ZSWIM6: variants seen among roughly 807,000 people sequenced by gnomAD.
ZSWIM6 encodes the protein zinc finger SWIM-type containing 6.
Under a neutral mutation model 113.2 loss-of-function variants are expected in ZSWIM6, and 9 were observed. That is an observed-to-expected ratio of 0.08 (90% CI 0.05 to 0.14). ZSWIM6 has a LOEUF of 0.14. Among genes scored for constraint, ZSWIM6 ranks in the 10% least tolerant of loss-of-function variants. The pLI, the probability that ZSWIM6 is intolerant of heterozygous loss-of-function variation, is 1.00. For missense variants in ZSWIM6, 1,162 were observed against 1,552.2 expected (o/e 0.75, Z 4.22); for synonymous variants, 611 against 606.5 (o/e 1.01, Z -0.11).
intron 1 of ZSWIM6, among the ~76,000 whole-genome samples, chr5:61,374,730 A>G (rs1358504195): frequency 6.6e-6 from 1 of 151,154 alleles, no homozygotes; most frequent in Non-Finnish European, 1.5e-5. Context: ...ATTTTTTTGT[A>G]TTTTTTAGTA....
chr5:61,377,992 G>A (rs4392578), intron 1 of ZSWIM6, among the ~76,000 whole-genome samples: 32,663 of 152,114 alleles, frequency 0.21, 3,698 homozygotes, highest in South Asian at 0.31. Flanking sequence ...TTACATTGAT[G>A]AAAATAAAAA....
rs1375983687 is a variant in ZSWIM6 at position 61,531,449 on chromosome 5, T to C, written c.1985-16T>C. On this transcript the variant is annotated splice_polypyrimidine_tract_variant and intron_variant, in intron 8 of 13. Coordinates refer to ENST00000252744, the MANE Select transcript of ZSWIM6 (RefSeq NM_020928.2). Reference sequence around the variant, plus strand: ...AGTAGTTTCTGAGCTCTGATTTCTTTTGTGGCATTTTGCAGAGAATATGGG... The same window carrying C: ...AGTAGTTTCTGAGCTCTGATTTCTTCTGTGGCATTTTGCAGAGAATATGGG... The C allele has an allele frequency of 2.6e-6, 4 of 1,530,934 alleles. No individual in the cohort carries two copies. Among genetic ancestry groups the C allele is most frequent in the Non-Finnish European group, 2.7e-6 (3 of 1,130,720 alleles). 94.8% of individuals were successfully genotyped at this position (1,530,934 alleles called of 1,614,324 possible). A position where few individuals can be genotyped will look rare whatever the true frequency, so the allele number is the denominator to read the frequency against.
At chr5:61,478,229 A>G (rs756668102) in intron 2 of ZSWIM6, among the ~76,000 whole-genome samples, 1 of 152,336 alleles carries the variant, frequency 6.6e-6, no homozygotes. Context: ...CTTTCACTAT[A>G]CTATCTTAAA....
chr5:61,404,074 C>T (rs992334648), intron 1 of ZSWIM6, among the ~76,000 whole-genome samples: 6 of 150,930 alleles, frequency 4.0e-5, no homozygotes, highest in East Asian at 1.9e-4. Flanking sequence ...GTGGCGCGAT[C>T]TTGGCTCACT....
intron 1 of ZSWIM6, among the ~76,000 whole-genome samples, chr5:61,411,161 G>C (rs776870382): frequency 1.3e-5 from 2 of 152,188 alleles, no homozygotes; most frequent in Non-Finnish European, 2.9e-5. Flanking sequence ...TGTGTATTTA[G>C]AATGAGGTTT....
intron 3 of ZSWIM6, 148 bp downstream of exon 3, chr5:61,491,082 G>T: frequency 1.4e-6 from 1 of 704,206 alleles, no homozygotes; most frequent in Non-Finnish European, 2.0e-6. Flanking sequence ...GTATTGTAAT[G>T]CAAGCTATTT....
At chr5:61,539,813 C>T in intron 12 of ZSWIM6, 54 bp downstream of exon 12, 1 of 1,483,040 alleles carries the variant, frequency 6.7e-7, no homozygotes, top group Non-Finnish European at 9.0e-7. Flanking sequence ...ATAAAGGCAC[C>T]TCTTAGGGTT....
At chr5:61,410,219 G>A (rs1405817734) in intron 1 of ZSWIM6, among the ~76,000 whole-genome samples, 1 of 151,936 alleles carries the variant, frequency 6.6e-6, no homozygotes. Flanking sequence ...AAATTACCCC[G>A]GTACTCTAGT....
In ZSWIM6 at chr5:61,543,177, T is replaced by C. The variant is rs143242930; in HGVS notation, c.2786-278T>C. Among the ~76,000 whole-genome samples the C allele has an allele frequency of 5.1e-4, 77 of 152,292 alleles. No individual in the cohort carries two copies. Among genetic ancestry groups the C allele is most frequent in the African/African-American group, 1.8e-3 (76 of 41,570 alleles). On this transcript the variant is annotated intron_variant, in intron 13 of 13. Transcript: ENST00000252744. This position sits in a 1 kb window ranked among gnomAD's most constrained non-coding sequence, Gnocchi z 4.3. ...AACTCATTAGCAAAAAGCCATTGTC[T>C]GAAATGGCAAGCAGCACAGTACAAA...
intron 1 of ZSWIM6, among the ~76,000 whole-genome samples, chr5:61,374,367 T>G (rs1322318739): frequency 2.6e-5 from 4 of 152,172 alleles, no homozygotes; most frequent in Non-Finnish European, 5.9e-5. Flanking sequence ...CTTTTGGCGT[T>G]CATACATTTT....
In ZSWIM6 at chr5:61,543,872, C is replaced by T. The variant is rs1242273959; in HGVS notation, c.3203C>T (p.Ala1068Val). The T allele has an allele frequency of 6.4e-7, 1 of 1,552,038 alleles. No homozygotes were observed. The highest frequency in any genetic ancestry group is 2.0e-5 in the Admixed American group (1 of 51,020). ...NLSYNQDTHP[A>V]INDVLWACAL... is the part of the protein sequence containing the mutation. Reference sequence around the variant, plus strand: ...AGCTACAATCAGGACACACACCCTGCCATTAATGATGTTTTGTGGGCCTGT... The same window carrying T: ...AGCTACAATCAGGACACACACCCTGTCATTAATGATGTTTTGTGGGCCTGT... Residue 1068 changes from alanine to valine, a missense_variant, in exon 14 of 14, where the codon GCC (alanine) becomes GTC (valine). Ala to Val is a moderately conservative substitution (Grantham distance 64). This residue lies in a region of ZSWIM6 where 113 missense variants were observed against 213.8 expected (regional missense o/e 0.53). Transcript: ENST00000252744. This position sits in a 1 kb window ranked among gnomAD's most constrained non-coding sequence, Gnocchi z 4.3.
intron 4 of ZSWIM6, among the ~76,000 whole-genome samples, chr5:61,513,994 G>A (rs1342689881): frequency 6.6e-6 from 1 of 152,038 alleles, no homozygotes; most frequent in Non-Finnish European, 1.5e-5. Context: ...TTTTCAGTGA[G>A]GTTATGTAGA....
At chr5:61,488,673 ATT>A (rs1748093633) in intron 2 of ZSWIM6, among the ~76,000 whole-genome samples, 1 of 151,482 alleles carries the variant, frequency 6.6e-6, no homozygotes, top group Non-Finnish European at 1.5e-5. Context: ...TTCATTTCTG[ATT>A]TTATTTATTT....
intron 1 of ZSWIM6, among the ~76,000 whole-genome samples, chr5:61,396,515 G>A (rs1365687443): frequency 5.6e-5 from 8 of 143,508 alleles, no homozygotes; most frequent in African/African-American, 2.1e-4. Flanking sequence ...TGGTGACAGA[G>A]TGAGACTCTG....
At position 61,375,255 on chromosome 5, in the gene ZSWIM6, A is replaced by G. The variant is rs563638862; in HGVS notation, c.676+42307A>G. On this transcript the variant is annotated intron_variant, in intron 1 of 13. Transcript: ENST00000252744. ...CCTGGGAAGAAGTAAAAGAGCAACT[A>G]GAAAAGGAAAAGAAAGGCTCCAAGG... 20 of 1,613,012 alleles carry G rather than the reference A, an allele frequency of 1.2e-5. No homozygotes were observed. In the African/African-American group the frequency reaches 2.1e-4, roughly 17 times the overall value.
intron 10 of ZSWIM6, 52 bp from the exon 11 acceptor site, chr5:61,538,762 G>T (rs1223294747): frequency 6.6e-7 from 1 of 1,511,728 alleles, no homozygotes; most frequent in East Asian, 2.5e-5. Context: ...TTCTGGCCAA[G>T]GACATGGTCA....
intron 1 of ZSWIM6, chr5:61,347,018 T>C (rs1474441339): frequency 6.6e-6 from 1 of 152,330 alleles, no homozygotes; most frequent in Non-Finnish European, 1.5e-5. Flanking sequence ...AGTTTATATT[T>C]TAGATGTGTT....
At chr5:61,361,546 TAAGACC>T (rs1745032387) in intron 1 of ZSWIM6, among the ~76,000 whole-genome samples, 1 of 152,198 alleles carries the variant, frequency 6.6e-6, no homozygotes. Flanking sequence ...GCTGTATTAT[TAAGACC>T]AAGAGTACTG....
chr5:61,452,988 G>C (rs1747117764), intron 1 of ZSWIM6, among the ~76,000 whole-genome samples: 1 of 152,178 alleles, frequency 6.6e-6, no homozygotes, highest in South Asian at 2.1e-4. Flanking sequence ...CTTATGATTA[G>C]ATTGAGACTG....
Sources: allele counts gnomAD v4.1 joint callset (sites outside exome capture counted in the v4.1 genomes callset), GRCh38; gene constraint gnomAD v4.1.1; regional missense constraint gnomAD v4.1.1; non-coding constraint Gnocchi (gnomAD v3.1); transcripts MANE v1.5; gene names NCBI Gene and HGNC (gene_info 2026-07-23, HGNC 2026-07-21).